The following IL18R1 variants were observed in gnomAD, a reference collection of about 807,000 sequenced individuals.
The protein encoded by IL18R1 is interleukin-18 receptor 1.
Under a neutral mutation model 48.5 loss-of-function variants are expected in IL18R1, and 40 were observed. The observed-to-expected ratio is 0.82, with a 90% CI of 0.64 to 1.07. IL18R1 has a LOEUF of 1.07. IL18R1 is among the 50% of genes least tolerant of loss of function. IL18R1 has a pLI of 0.00. For synonymous variants in IL18R1, 232 were observed against 225.9 expected (o/e 1.03, Z -0.24); for missense variants, 596 against 633.7 (o/e 0.94, Z 0.64).
At chr2:102,377,283 G>C (rs549479401) in intron 5 of IL18R1, among the ~76,000 whole-genome samples, 70 of 152,182 alleles carry the variant, frequency 4.6e-4, no homozygotes, top group Non-Finnish European at 7.9e-4. Flanking sequence ...TCTGGAGGCT[G>C]TAGGGGAAAA....
intron 6 of IL18R1, among the ~76,000 whole-genome samples, chr2:102,383,165 T>G (rs1295666754): frequency 6.6e-6 from 1 of 152,238 alleles, no homozygotes; most frequent in Non-Finnish European, 1.5e-5. Context: ...ACAGTGTCAT[T>G]TCAACCTTTT....
intron 2 of IL18R1, chr2:102,362,977 A>G (rs1678671948): frequency 3.6e-6 from 1 of 281,552 alleles, no homozygotes; most frequent in Non-Finnish European, 6.6e-6. Flanking sequence ...GGGTTTTAGG[A>G]AGTTTGAAAC....
chr2:102,383,050 A>G (rs1269861791), intron 6 of IL18R1, among the ~76,000 whole-genome samples: 2 of 152,114 alleles, frequency 1.3e-5, no homozygotes, highest in African/African-American at 4.8e-5. Context: ...TTCTTTTTCC[A>G]ACAAAAAAAA....
chr2:102,366,035 G>A (rs1419598605), intron 2 of IL18R1, among the ~76,000 whole-genome samples: 2 of 152,150 alleles, frequency 1.3e-5, no homozygotes. Context: ...TACCCTAGAG[G>A]CATTTTTCCC....
At position 102,394,641 on chromosome 2, in the gene IL18R1, C is replaced by T; in HGVS notation, c.1270+14C>T. ...TGCCTGGAGGAGGTAAGAGGGAATG[C>T]CAGATAGAAAAATATTCAAGATAGT... On this transcript the variant is annotated intron_variant, in intron 10 of 10. Transcript: ENST00000233957. 1 of 1,568,532 alleles carries T rather than the reference C, an allele frequency of 6.4e-7. No individual in the cohort carries two copies. The highest frequency in any genetic ancestry group is 8.7e-7 in the Non-Finnish European group (1 of 1,151,124).
At chr2:102,373,400 A>G (rs1281456120) in intron 4 of IL18R1, among the ~76,000 whole-genome samples, 1 of 146,980 alleles carries the variant, frequency 6.8e-6, no homozygotes, top group African/African-American at 2.5e-5. Flanking sequence ...CATAAGTGGG[A>G]GGTGAACAAT....
At chr2:102,381,501 C>T (rs55845008) in intron 5 of IL18R1, 119 bp from the exon 6 acceptor site, 48 of 734,912 alleles carry the variant, frequency 6.5e-5, no homozygotes, top group Middle Eastern at 3.7e-4. Context: ...CTCAAGTGAA[C>T]GTAAACCAGT....
chr2:102,390,946 AAAAAG>A (rs978571113), intron 9 of IL18R1, among the ~76,000 whole-genome samples: 1 of 150,848 alleles, frequency 6.6e-6, no homozygotes, highest in Non-Finnish European at 1.5e-5. Flanking sequence ...AAAAAAAAAA[AAAAAG>A]AGAGAGAAAA....
intron 6 of IL18R1, among the ~76,000 whole-genome samples, chr2:102,384,600 C>A (rs139234270): frequency 6.6e-6 from 1 of 151,906 alleles, no homozygotes; most frequent in Non-Finnish European, 1.5e-5. Flanking sequence ...CCTGATGCTA[C>A]GAAAAGAAAG....
chr2:102,367,884 C>T lies in IL18R1; in HGVS notation c.118C>T (p.His40Tyr), dbSNP rs763710435. The change falls in exon 3 of 11, where the codon CAT (histidine) becomes TAT (tyrosine). Residue 40 changes from histidine (H) to tyrosine (Y), a missense_variant. Coordinates refer to ENST00000233957, the MANE Select transcript of IL18R1 (RefSeq NM_003855.5). Reference sequence around the variant, plus strand: ...TGAAGGGGAACCTTTCTATCTGAAACATTGCTCGTGTTCACTTGCACATGA... The same window carrying T: ...TGAAGGGGAACCTTTCTATCTGAAATATTGCTCGTGTTCACTTGCACATGA... The part of the protein sequence containing the change: ...VVEGEPFYLK[H>Y]CSCSLAHEIE... The T allele has an allele frequency of 5.0e-6, 8 of 1,613,956 alleles. No homozygotes were observed. The highest frequency in any genetic ancestry group is 2.2e-5 in the South Asian group (2 of 91,056).
At chr2:102,373,892 G>A (rs762326432) in intron 4 of IL18R1, 16 of 413,136 alleles carry the variant, frequency 3.9e-5, no homozygotes, top group South Asian at 2.7e-4. Context: ...CTCCTTATGA[G>A]AATCTAATGC....
rs76152249 is a variant in IL18R1 at position 102,369,897 on chromosome 2, G to A, written c.302+1829G>A. Among the ~76,000 whole-genome samples, 458 of 152,320 alleles carry A rather than the reference G, an allele frequency of 3.0e-3. 3 individuals carry two copies. In the East Asian group the frequency reaches 0.032, roughly 11 times the overall value. ...AAGAACGAAATCAACTAAGAAGGAA[G>A]GGGATACAAAAGGGATAGTTTTCAA... On this transcript the variant is annotated intron_variant, in intron 3 of 10. Transcript: ENST00000233957.
chr2:102,362,630 C>T lies in IL18R1; in HGVS notation c.-28-3C>T. 3 of 1,586,878 alleles carry T rather than the reference C, an allele frequency of 1.9e-6. No individual in the cohort carries two copies. The highest frequency in any genetic ancestry group is 2.6e-6 in the Non-Finnish European group (3 of 1,167,782). ...GCTGAATCTGTTTTATTCTGTTTTC[C>T]AGAGAAGCCATTTGAAGCAGAATCC... On this transcript the variant is annotated splice_polypyrimidine_tract_variant and splice_region_variant and intron_variant, in intron 1 of 10. Transcript: ENST00000233957.
intron 5 of IL18R1, among the ~76,000 whole-genome samples, chr2:102,377,213 C>T (rs755696896): frequency 3.3e-5 from 5 of 152,236 alleles, no homozygotes; most frequent in African/African-American, 7.2e-5. Context: ...GCCACAGTAA[C>T]AAATTATCCC....
chr2:102,378,847 C>T (rs919063223), intron 5 of IL18R1, among the ~76,000 whole-genome samples: 8 of 152,204 alleles, frequency 5.3e-5, no homozygotes, highest in Admixed American at 5.2e-4. Flanking sequence ...TTGGATTTGG[C>T]AAAGTTTGCC....
At position 102,383,039 on chromosome 2, in the gene IL18R1, T is replaced by C. The variant is rs78617755; in HGVS notation, c.688+1357T>C. Among the ~76,000 whole-genome samples the C allele has an allele frequency of 3.0e-4, 45 of 152,322 alleles. No individual in the cohort carries two copies. In the East Asian group the frequency reaches 6.8e-3, roughly 23 times the overall value. ...CCATTACTTAAAATTTCCCTTATGATTTCTTTTTCCAACAAAAAAAATTGG... is the reference window on the plus strand; with the variant it reads ...CCATTACTTAAAATTTCCCTTATGACTTCTTTTTCCAACAAAAAAAATTGG... On this transcript the variant is annotated intron_variant, in intron 6 of 10. Coordinates refer to ENST00000233957, the MANE Select transcript of IL18R1 (RefSeq NM_003855.5).
rs1426846562 is a variant in IL18R1 at position 102,362,666 on chromosome 2, T to C, written c.6T>C (p.Asn2=). The change falls in exon 2 of 11, where the codon AAT becomes AAC. Residue 2 remains asparagine (N), a synonymous_variant. Coordinates refer to ENST00000233957, the MANE Select transcript of IL18R1 (RefSeq NM_003855.5). ...TTTGAAGCAGAATCCAAACCATGAATTGTAGAGAATTACCCTTGACCCTTT... is the reference window on the plus strand; with the variant it reads ...TTTGAAGCAGAATCCAAACCATGAACTGTAGAGAATTACCCTTGACCCTTT... The part of the protein sequence containing the change: M[N]CRELPLTLWV... 8.1e-6 allele frequency: 13 copies of C among 1,605,070 alleles called. No homozygotes were observed. In the Admixed American group the frequency reaches 1.0e-4, roughly 13 times the overall value.
Position 102,398,048 on chromosome 2 carries a change from A to G in IL18R1, c.*1162A>G, listed in dbSNP as rs1184272916. On this transcript the variant is annotated 3_prime_UTR_variant, in exon 11 of 11. Transcript: ENST00000233957. The stretch of plus-strand genomic sequence containing the variant: ...TCATTATTAATGATTACTTAGATCA[A>G]TTATTTAGCAGTGGACTAATGGAAG... 1.3e-5 allele frequency: 2 copies of G among 152,294 alleles called. No homozygotes were observed. The highest frequency in any genetic ancestry group is 2.4e-5 in the African/African-American group (1 of 41,458). 9.4% of individuals were successfully genotyped at this position (152,294 alleles called of 1,614,324 possible).
Position 102,396,522 on chromosome 2 carries a change from C to T in IL18R1, c.1271-9C>T, listed in dbSNP as rs184680218. 2.0e-6 allele frequency: 3 copies of T among 1,513,420 alleles called. No homozygotes were observed. Among genetic ancestry groups the T allele is most frequent in the Non-Finnish European group, 2.7e-6 (3 of 1,105,246 alleles). 93.7% of individuals were successfully genotyped at this position (1,513,420 alleles called of 1,614,324 possible). A position where few individuals can be genotyped will look rare whatever the true frequency, so the allele number is the denominator to read the frequency against. The stretch of plus-strand genomic sequence containing the variant: ...TCTTAAATTAATAGGGGTTATCTTG[C>T]ATTTTCAGCTGTTGTTGATGAAATC... On this transcript the variant is annotated splice_polypyrimidine_tract_variant and intron_variant, in intron 10 of 10. Coordinates refer to ENST00000233957, the MANE Select transcript of IL18R1 (RefSeq NM_003855.5).
Sources: gnomAD v4.1 joint callset for allele counts (sites outside exome capture counted in the v4.1 genomes callset) on GRCh38, gnomAD v4.1.1 for gene constraint, MANE v1.5 for transcripts, NCBI Gene and HGNC (gene_info 2026-07-23, HGNC 2026-07-21) for gene names.